FTO: variants seen among roughly 807,000 people sequenced by gnomAD.
FTO encodes the protein alpha-ketoglutarate-dependent dioxygenase FTO.
Under a neutral mutation model 63.9 loss-of-function variants are expected in FTO, and 47 were observed. The observed-to-expected ratio is 0.74, with a 90% CI of 0.58 to 0.94. The LOEUF is 0.94. Among genes scored for constraint, FTO ranks in the 40% least tolerant of loss-of-function variants. FTO has a pLI of 0.00. For synonymous variants in FTO, 207 were observed against 224.4 expected (o/e 0.92, Z 0.69); for missense variants, 562 against 618.1 (o/e 0.91, Z 0.96).
chr16:53,978,897 G>A (rs1289423298), intron 8 of FTO, among the ~76,000 whole-genome samples: 1 of 152,002 alleles, frequency 6.6e-6, no homozygotes, highest in East Asian at 1.9e-4. Flanking sequence ...AACTCGGGAG[G>A]CTGAGGCATG....
intron 8 of FTO, among the ~76,000 whole-genome samples, chr16:54,036,861 A>T (rs1273186384): frequency 6.6e-6 from 1 of 152,210 alleles, no homozygotes; most frequent in Non-Finnish European, 1.5e-5. Flanking sequence ...GAGATATACC[A>T]GTAAAATAAG....
At chr16:53,712,357 C>T (rs775138188) in intron 1 of FTO, among the ~76,000 whole-genome samples, 1 of 152,148 alleles carries the variant, frequency 6.6e-6, no homozygotes, top group Non-Finnish European at 1.5e-5. Context: ...AGATTCTACT[C>T]TGTTTTTTTT....
At position 53,748,122 on chromosome 16, in the gene FTO, A is replaced by G. The variant is rs112668764; in HGVS notation, c.45+43893A>G. ...AGCTTTGTTCTTTTTGTGCATGATT[A>G]TCTTGGATATTCAGGGTTTTTTCTT... On this transcript the variant is annotated intron_variant, in intron 1 of 8. Coordinates refer to ENST00000471389, the MANE Select transcript of FTO (RefSeq NM_001080432.3). 9.7e-3 allele frequency among the ~76,000 whole-genome samples: 1,478 copies of G among 152,188 alleles called. 20 individuals carry two copies. The highest frequency in any genetic ancestry group is 0.04 in the East Asian group (209 of 5,172).
intron 8 of FTO, among the ~76,000 whole-genome samples, chr16:54,061,253 C>T (rs1347042688): frequency 6.6e-6 from 1 of 152,064 alleles, no homozygotes; most frequent in East Asian, 1.9e-4. Context: ...GTCATTTTTC[C>T]CCACTGCCCT....
intron 8 of FTO, among the ~76,000 whole-genome samples, chr16:54,057,236 C>A (rs2085456963): frequency 6.6e-6 from 1 of 152,218 alleles, no homozygotes; most frequent in African/African-American, 2.4e-5. Context: ...TTCCAGCAAA[C>A]CTTGTTTAGC....
intron 3 of FTO, among the ~76,000 whole-genome samples, chr16:53,835,377 G>A (rs865788300): frequency 4.5e-4 from 69 of 152,242 alleles, no homozygotes; most frequent in African/African-American, 1.5e-3. Context: ...GTCCTACAAT[G>A]TTTTCTTCAG....
chr16:53,857,411 C>G (rs1195063565), intron 4 of FTO, among the ~76,000 whole-genome samples: 2 of 151,640 alleles, frequency 1.3e-5, no homozygotes, highest in African/African-American at 2.4e-5. Flanking sequence ...CTTATGTCAC[C>G]TACTACTACT....
intron 8 of FTO, among the ~76,000 whole-genome samples, chr16:54,032,912 C>G (rs1010394851): frequency 1.1e-4 from 17 of 151,970 alleles, no homozygotes; most frequent in Non-Finnish European, 2.4e-4. Flanking sequence ...CCCCTCCACT[C>G]GATCTCTCTT....
intron 1 of FTO, among the ~76,000 whole-genome samples, chr16:53,739,014 A>G (rs977125321): frequency 1.3e-5 from 2 of 152,004 alleles, no homozygotes; most frequent in Non-Finnish European, 2.9e-5. Flanking sequence ...TTGTAGAGAT[A>G]GGGTCTCCCC....
Position 53,888,886 on chromosome 16 carries a change from T to C in FTO, c.1174T>C (p.Cys392Arg), listed in dbSNP as rs1465157191. Reference sequence around the variant, plus strand: ...GTTTCAAGGCAATCGATACAGAAAGTGCACTGACTGGTGGTGTCAACCCAT... The same window carrying C: ...GTTTCAAGGCAATCGATACAGAAAGCGCACTGACTGGTGGTGTCAACCCAT... The part of the protein sequence containing the change: ...FWFQGNRYRK[C>R]TDWWCQPMAQ... The change falls in exon 7 of 9, where the codon TGC becomes CGC. Residue 392 changes from cysteine (C) to arginine (R), a missense_variant. Physicochemically the swap from Cys to Arg is radical, Grantham distance 180 (BLOSUM62 -3). Coordinates refer to ENST00000471389, the MANE Select transcript of FTO (RefSeq NM_001080432.3). 2 of 1,614,014 alleles carry C rather than the reference T, an allele frequency of 1.2e-6. No individual in the cohort carries two copies. Among genetic ancestry groups the C allele is most frequent in the Non-Finnish European group, 1.7e-6 (2 of 1,179,888 alleles).
At chr16:53,800,485 A>C (rs1322073287) in intron 1 of FTO, among the ~76,000 whole-genome samples, 2 of 152,160 alleles carry the variant, frequency 1.3e-5, no homozygotes, top group African/African-American at 4.8e-5. Context: ...TGCTATCTAC[A>C]TGTCAGTTAG....
chr16:53,979,515 G>T, intron 8 of FTO: 1 of 391,028 alleles, frequency 2.6e-6, no homozygotes, highest in South Asian at 1.3e-4. Flanking sequence ...ACTGTGATTG[G>T]ATCTTTTTTA....
chr16:54,112,857 A>C lies in FTO; in HGVS notation c.*942A>C, dbSNP rs1416082658. 1.3e-5 allele frequency: 2 copies of C among 152,222 alleles called. No individual in the cohort carries two copies. Among genetic ancestry groups the C allele is most frequent in the Non-Finnish European group, 2.9e-5 (2 of 68,050 alleles). The allele number at this position is 152,222 out of a possible 1,614,324, so 9.4% of individuals were successfully genotyped here. On this transcript the variant is annotated 3_prime_UTR_variant, in exon 9 of 9. Coordinates refer to ENST00000471389, the MANE Select transcript of FTO (RefSeq NM_001080432.3). ...TTCTGTAAGTCCCTCATTCTTATGT[A>C]ATAACAGGTGGAACTGAGGTTTGAA...
intron 8 of FTO, among the ~76,000 whole-genome samples, chr16:54,033,706 A>G (rs1350096582): frequency 6.6e-6 from 1 of 152,132 alleles, no homozygotes. Context: ...AATACCAGCT[A>G]TATGGGAGGC....
chr16:54,025,162 C>T (rs1259627508), intron 8 of FTO, among the ~76,000 whole-genome samples: 2 of 152,172 alleles, frequency 1.3e-5, no homozygotes, highest in Non-Finnish European at 2.9e-5. Context: ...GAGGCCAGAG[C>T]CCCTTGATGA....
chr16:53,733,506 G>A (rs991740116), intron 1 of FTO, among the ~76,000 whole-genome samples: 4 of 152,120 alleles, frequency 2.6e-5, no homozygotes, highest in East Asian at 1.9e-4. Context: ...AATTAGGGAC[G>A]TAATTACCCA....
chr16:53,934,301 G>A (rs568622341), intron 8 of FTO, among the ~76,000 whole-genome samples, 192 bp downstream of exon 8: 1 of 152,226 alleles, frequency 6.6e-6, no homozygotes, highest in African/African-American at 2.4e-5. Flanking sequence ...ATCCATTGAC[G>A]TCATCAGTAT....
At chr16:53,856,368 T>TTTTTTAA (rs371489949) in intron 4 of FTO, among the ~76,000 whole-genome samples, 2 of 150,124 alleles carry the variant, frequency 1.3e-5, no homozygotes, top group Non-Finnish European at 3.0e-5. Context: ...TTTTTTTTTT[T>TTTTTTAA]GGGGGGGGAT....
chr16:53,778,146 T>C (rs956447370), intron 1 of FTO, among the ~76,000 whole-genome samples: 2 of 152,198 alleles, frequency 1.3e-5, no homozygotes, highest in Non-Finnish European at 2.9e-5. Context: ...CTCTTTTAAA[T>C]GGAATGCATG....
Sources: gnomAD v4.1 joint callset for allele counts (sites outside exome capture counted in the v4.1 genomes callset) on GRCh38, gnomAD v4.1.1 for gene constraint, MANE v1.5 for transcripts, NCBI Gene and HGNC (gene_info 2026-07-23, HGNC 2026-07-21) for gene names.